Variants in ROBO1 observed in about 807,000 individuals in gnomAD.
The protein encoded by ROBO1 is roundabout guidance receptor 1, also known as roundabout homolog 1.
A neutral mutation model predicts 195.9 loss-of-function variants in ROBO1; 149 were observed. The observed-to-expected ratio is 0.76, with a 90% CI of 0.67 to 0.87. ROBO1 has a LOEUF of 0.87. Ranked by LOEUF, ROBO1 falls within the 40% of genes least tolerant of loss-of-function variation. ROBO1 has a pLI of 0.00. For synonymous variants in ROBO1, 816 were observed against 733.2 expected (o/e 1.11, Z -1.82); for missense variants, 1,933 against 2,068.3 (o/e 0.93, Z 1.27).
At chr3:79,004,501 G>A (rs1484752924) in intron 3 of ROBO1, among the ~76,000 whole-genome samples, 1 of 152,052 alleles carries the variant, frequency 6.6e-6, no homozygotes, top group East Asian at 1.9e-4. Flanking sequence ...CATGACTGTG[G>A]GCAAAGACAG....
intron 2 of ROBO1, among the ~76,000 whole-genome samples, chr3:79,538,776 A>G (rs895387732): frequency 6.6e-6 from 1 of 152,172 alleles, no homozygotes; most frequent in African/African-American, 2.4e-5. Flanking sequence ...AAAATCTTGC[A>G]TCTCTTAAAT....
chr3:79,049,736 C>T (rs1464670891), intron 3 of ROBO1, among the ~76,000 whole-genome samples: 2 of 152,054 alleles, frequency 1.3e-5, no homozygotes, highest in Non-Finnish European at 2.9e-5. Flanking sequence ...AGAGTGGTGG[C>T]CAATATTCAA....
rs563998997 is a variant in ROBO1 at position 78,703,492 on chromosome 3, T to C, written c.1045+10905A>G. On this transcript the variant is annotated intron_variant, in intron 8 of 30. Coordinates refer to ENST00000464233, the MANE Select transcript of ROBO1 (RefSeq NM_002941.4). ...AGTTTCCATCACATCTTGTCTTTTT[T>C]GGTTTTCTTTTTACCATAACAAATC... is the stretch of plus-strand genomic sequence containing the variant. 2.5e-4 allele frequency among the ~76,000 whole-genome samples: 38 copies of C among 152,264 alleles called. No homozygotes were observed. The South Asian group carries it at 7.0e-3, about 28-fold the overall frequency.
At chr3:78,618,938 C>T (rs956306809) in intron 26 of ROBO1, among the ~76,000 whole-genome samples, 12 of 151,998 alleles carry the variant, frequency 7.9e-5, no homozygotes, top group Admixed American at 1.3e-4. Flanking sequence ...AATAGATGAC[C>T]GAGAAGGTAT....
At chr3:78,991,429 A>C (rs1215351199) in intron 3 of ROBO1, among the ~76,000 whole-genome samples, 1 of 152,222 alleles carries the variant, frequency 6.6e-6, no homozygotes, top group East Asian at 1.9e-4. Flanking sequence ...GACACAGATT[A>C]ATTGAAGGTC....
intron 2 of ROBO1, among the ~76,000 whole-genome samples, chr3:79,400,635 T>C (rs2037333692): frequency 6.6e-6 from 1 of 152,058 alleles, no homozygotes; most frequent in Non-Finnish European, 1.5e-5. Flanking sequence ...GATATGTCAT[T>C]TATACAGCAA....
intron 4 of ROBO1, among the ~76,000 whole-genome samples, chr3:78,767,734 A>G (rs1457427498): frequency 1.3e-5 from 2 of 152,064 alleles, no homozygotes; most frequent in Non-Finnish European, 2.9e-5. Context: ...AGTAACCTCA[A>G]ATGATCTTTT....
At chr3:79,296,597 T>C (rs908590923) in intron 2 of ROBO1, among the ~76,000 whole-genome samples, 1 of 152,158 alleles carries the variant, frequency 6.6e-6, no homozygotes, top group African/African-American at 2.4e-5. Context: ...AAAACTTACA[T>C]AGATTTCCAA....
chr3:78,928,350 A>AG (rs924029851), intron 4 of ROBO1, among the ~76,000 whole-genome samples: 18 of 152,146 alleles, frequency 1.2e-4, no homozygotes, highest in Non-Finnish European at 1.5e-5. Flanking sequence ...TAGAACTCTG[A>AG]GGGAGGCTTT....
chr3:78,604,719 A>G lies in ROBO1; in HGVS notation c.4744+2014T>C, dbSNP rs150517183. On this transcript the variant is annotated intron_variant, in intron 29 of 30. Coordinates refer to ENST00000464233, the MANE Select transcript of ROBO1 (RefSeq NM_002941.4). ...GAAACTGCCCTCTGTGTTGAAAAGA[A>G]GTTAGCTAATGACCAGATGTCCATA... Among the ~76,000 whole-genome samples the G allele has an allele frequency of 2.4e-3, 370 of 152,268 alleles. 3 individuals are homozygous for G. Among genetic ancestry groups the G allele is most frequent in the South Asian group, 0.019 (94 of 4,826 alleles).
At chr3:79,738,278 C>T (rs1159543279) in intron 1 of ROBO1, among the ~76,000 whole-genome samples, 1 of 152,124 alleles carries the variant, frequency 6.6e-6, no homozygotes, top group African/African-American at 2.4e-5. Flanking sequence ...AAGTAAAAGA[C>T]TCTCCCGAAA....
At position 78,806,812 on chromosome 3, in the gene ROBO1, C is replaced by CTT. The variant is rs545350670; in HGVS notation, c.500-59914_500-59913dup. Among the ~76,000 whole-genome samples the CTT allele has an allele frequency of 6.0e-5, 9 of 149,458 alleles. No homozygotes were observed. In the East Asian group the frequency reaches 1.8e-3, roughly 29 times the overall value. ...ATAAAGACCTTGCTTTTTTAAATAT[C>CTT]TTTTTTTTTTCCCGATACAGAGTCT... is the stretch of plus-strand genomic sequence containing the variant. On this transcript the variant is annotated intron_variant, in intron 4 of 30. Coordinates refer to ENST00000464233, the MANE Select transcript of ROBO1 (RefSeq NM_002941.4).
intron 2 of ROBO1, among the ~76,000 whole-genome samples, chr3:79,423,854 T>C (rs2038333159): frequency 1.3e-5 from 2 of 152,064 alleles, no homozygotes; most frequent in African/African-American, 2.4e-5. Flanking sequence ...AGGAGTGAGA[T>C]AGGGATTCAG....
intron 4 of ROBO1, among the ~76,000 whole-genome samples, chr3:78,884,633 GAGAA>G (rs796879832): frequency 0.015 from 1,317 of 87,422 alleles, 19 homozygotes; most frequent in African/African-American, 0.022. Flanking sequence ...GAGAAAGAAA[GAGAA>G]AGAAAGAAAG....
intron 8 of ROBO1, 103 bp downstream of exon 8, chr3:78,714,292 TAA>T (rs2108050201): frequency 1.7e-6 from 2 of 1,143,566 alleles, no homozygotes; most frequent in African/African-American, 3.1e-5. Flanking sequence ...GAGCAATACT[TAA>T]AGTCTATATG....
intron 1 of ROBO1, among the ~76,000 whole-genome samples, chr3:79,654,166 G>A (rs1314040786): frequency 1.3e-5 from 2 of 151,960 alleles, no homozygotes; most frequent in Non-Finnish European, 2.9e-5. Context: ...GATAACCTGA[G>A]TTTATGGATG....
intron 2 of ROBO1, among the ~76,000 whole-genome samples, chr3:79,308,277 A>G (rs1292094971): frequency 1.3e-5 from 2 of 152,200 alleles, no homozygotes; most frequent in African/African-American, 4.8e-5. Flanking sequence ...GCATAAATAA[A>G]AGCTAACAAA....
intron 4 of ROBO1, among the ~76,000 whole-genome samples, chr3:78,893,203 C>T (rs1484649732): frequency 6.6e-6 from 1 of 152,198 alleles, no homozygotes; most frequent in Non-Finnish European, 1.5e-5. Context: ...TGAAATTTAA[C>T]ATCCAATGTG....
At chr3:78,622,331 A>G (rs1250585595) in intron 26 of ROBO1, among the ~76,000 whole-genome samples, 1 of 152,178 alleles carries the variant, frequency 6.6e-6, no homozygotes, top group Non-Finnish European at 1.5e-5. Flanking sequence ...GTATCACACT[A>G]TCTGCACCCC....
Sources: allele counts gnomAD v4.1 joint callset (sites outside exome capture counted in the v4.1 genomes callset), GRCh38; gene constraint gnomAD v4.1.1; transcripts MANE v1.5; gene names NCBI Gene and HGNC (gene_info 2026-07-23, HGNC 2026-07-21).